The following DNAJC17 variants were observed in gnomAD, a reference collection of about 807,000 sequenced individuals.
DNAJC17 encodes dnaJ homolog subfamily C member 17.
Under a neutral mutation model 48.1 loss-of-function variants are expected in DNAJC17, and 35 were observed. The observed-to-expected ratio is 0.73, with a 90% CI of 0.56 to 0.96. The LOEUF is 0.96. Among genes scored for constraint, DNAJC17 ranks in the 50% least tolerant of loss-of-function variants. The pLI, the probability that DNAJC17 is intolerant of heterozygous loss-of-function variation, is 0.00. For synonymous variants in DNAJC17, 117 were observed against 142.7 expected (o/e 0.82, Z 1.28); for missense variants, 355 against 377.1 (o/e 0.94, Z 0.48).
At chr15:40,799,221 T>C (rs1223808988) in intron 1 of DNAJC17, among the ~76,000 whole-genome samples, 10 of 109,908 alleles carry the variant, frequency 9.1e-5, no homozygotes, top group Non-Finnish European at 1.7e-4. Context: ...CGAGACTCCA[T>C]CTCAAAAAAA....
At chr15:40,788,755 G>C (rs1198602267) in intron 1 of DNAJC17, among the ~76,000 whole-genome samples, 1 of 151,870 alleles carries the variant, frequency 6.6e-6, no homozygotes, top group African/African-American at 2.4e-5. Flanking sequence ...TGCACCTGTA[G>C]TCCCAGCTAC....
Position 40,778,881 on chromosome 15 carries a change from C to T in DNAJC17, c.295+342G>A, listed in dbSNP as rs1889402098. Among the ~76,000 whole-genome samples, 5 of 152,116 alleles carry T rather than the reference C, an allele frequency of 3.3e-5. No homozygotes were observed. The South Asian group carries it at 1.0e-3, about 31-fold the overall frequency. On this transcript the variant is annotated intron_variant, in intron 4 of 10. Transcript: ENST00000220496. ...CCCAGAGGGTGGGGGTTGCAGTGAG[C>T]CGAGATCATGCCACTGCGCTCCAGC...
In DNAJC17 at chr15:40,775,121, C is replaced by T; in HGVS notation, c.523-13G>A. On this transcript the variant is annotated splice_polypyrimidine_tract_variant and intron_variant, in intron 7 of 10. Coordinates refer to ENST00000220496, the MANE Select transcript of DNAJC17 (RefSeq NM_018163.3). Reference sequence around the variant, plus strand: ...ACTTCCATTTTAGCTGAAAAGAGAGCCTCATGAAACACTGATTCTTGGCTG... The same window carrying T: ...ACTTCCATTTTAGCTGAAAAGAGAGTCTCATGAAACACTGATTCTTGGCTG... The T allele has an allele frequency of 2.5e-6, 4 of 1,613,904 alleles. No homozygotes were observed. Among genetic ancestry groups the T allele is most frequent in the Non-Finnish European group, 3.4e-6 (4 of 1,179,868 alleles).
chr15:40,775,556 TA>T lies in DNAJC17; in HGVS notation c.518del (p.Leu173GlnfsTer3), dbSNP rs776652774. On this transcript the variant is annotated frameshift_variant, in exon 7 of 11. Transcript: ENST00000220496. LOFTEE classifies it high-confidence loss of function. ...ENTEGQGTPKLKLKWKCKKED... is the reference protein window; with the variant it reads ...ENTEGQGTPKXKLKWKCKKED... ...CACAGATCCTGCCCAGGCTCACCTT[TA>T]GTTTGGGGGTTCCTTGGCCTTCAGT... is the stretch of plus-strand genomic sequence containing the variant. The T allele has an allele frequency of 1.2e-6, 2 of 1,613,922 alleles. No individual in the cohort carries two copies. The highest frequency in any genetic ancestry group is 1.7e-6 in the Non-Finnish European group (2 of 1,180,020).
At chr15:40,782,636 C>G (rs1889534238) in intron 1 of DNAJC17, among the ~76,000 whole-genome samples, 1 of 151,980 alleles carries the variant, frequency 6.6e-6, no homozygotes, top group Admixed American at 6.6e-5. Context: ...AAGAGCTAAG[C>G]AGATTGGATT....
At chr15:40,784,447 T>C (rs1421450351) in intron 1 of DNAJC17, among the ~76,000 whole-genome samples, 4 of 152,214 alleles carry the variant, frequency 2.6e-5, no homozygotes, top group African/African-American at 7.2e-5. Flanking sequence ...TCCACTCATA[T>C]TGTCAAATAT....
intron 1 of DNAJC17, among the ~76,000 whole-genome samples, chr15:40,782,543 C>T (rs149654987): frequency 1.6e-4 from 24 of 152,256 alleles, no homozygotes; most frequent in African/African-American, 5.8e-4. Context: ...TACACAACCC[C>T]AGAATCCGTC....
intron 1 of DNAJC17, among the ~76,000 whole-genome samples, chr15:40,798,855 C>T (rs1420693120): frequency 6.6e-6 from 1 of 152,144 alleles, no homozygotes; most frequent in South Asian, 2.1e-4. Flanking sequence ...TTGCAAACAG[C>T]GTTAACTCAC....
chr15:40,785,640 G>A (rs201930599), intron 1 of DNAJC17, among the ~76,000 whole-genome samples: 1 of 152,204 alleles, frequency 6.6e-6, no homozygotes, highest in Non-Finnish European at 1.5e-5. Flanking sequence ...CCAGCAGGAT[G>A]CCAATTGGAC....
intron 10 of DNAJC17, among the ~76,000 whole-genome samples, chr15:40,768,401 A>G (rs1198797974): frequency 2.0e-5 from 3 of 150,928 alleles, no homozygotes; most frequent in Non-Finnish European, 4.4e-5. Context: ...TTTACCCTTC[A>G]CCCCTTTCCC....
chr15:40,791,313 G>A (rs1889795923), intron 1 of DNAJC17, among the ~76,000 whole-genome samples: 3 of 152,178 alleles, frequency 2.0e-5, no homozygotes, highest in South Asian at 4.1e-4. Flanking sequence ...GATCACCTGA[G>A]GTGAGAAGTT....
rs968568702 is a variant in DNAJC17, at chr15:40,769,578, C to G, written c.793-1516G>C. On this transcript the variant is annotated intron_variant, in intron 10 of 10. Transcript: ENST00000220496. This position sits in a 1 kb window ranked among gnomAD's most constrained non-coding sequence, Gnocchi z 4.2. ...ATTAACACACCCTCTGCCCCCCTTC[C>G]TGTTCCTGCTCGTGAGGGCCTGACA... Among the ~76,000 whole-genome samples, 1 of 152,252 alleles carries G rather than the reference C, an allele frequency of 6.6e-6. No homozygotes were observed. The highest frequency in any genetic ancestry group is 6.5e-5 in the Admixed American group (1 of 15,286).
chr15:40,795,264 AGGGAGGAAG>A (rs1889917119), intron 1 of DNAJC17, among the ~76,000 whole-genome samples: 2 of 131,184 alleles, frequency 1.5e-5, no homozygotes, highest in South Asian at 5.9e-4. Context: ...AAAGGAAGGA[AGGGAGGAAG>A]GGGAGGAAGG....
chr15:40,779,397 G>C, intron 3 of DNAJC17, 87 bp from the exon 4 acceptor site: 1 of 1,564,716 alleles, frequency 6.4e-7, no homozygotes, highest in Non-Finnish European at 8.8e-7. Context: ...TAGCCCACGA[G>C]CCATCAGAGT....
chr15:40,775,400 G>A, intron 7 of DNAJC17, 153 bp downstream of exon 7: 2 of 898,234 alleles, frequency 2.2e-6, no homozygotes, highest in South Asian at 1.5e-5. Flanking sequence ...CTGATCTCCG[G>A]GCGGCTGGAG....
At chr15:40,804,078 C>G (rs1466361521) in intron 1 of DNAJC17, among the ~76,000 whole-genome samples, 1 of 152,020 alleles carries the variant, frequency 6.6e-6, no homozygotes, top group Non-Finnish European at 1.5e-5. Context: ...GTGATCCTCC[C>G]ACCTCAGCCT....
chr15:40,780,524 A>T (rs1043338638), intron 1 of DNAJC17: 21 of 366,056 alleles, frequency 5.7e-5, no homozygotes, highest in South Asian at 2.4e-4. Context: ...CATTTAAAAG[A>T]TTATGATTGG....
chr15:40,804,749 C>T (rs530288330), intron 1 of DNAJC17, among the ~76,000 whole-genome samples: 1 of 152,230 alleles, frequency 6.6e-6, no homozygotes, highest in South Asian at 2.1e-4. Context: ...CGCCTGTAAT[C>T]CCAGCACTTT....
rs1435768839 is a variant in DNAJC17 at position 40,779,968 on chromosome 15, G to C, written c.108C>G (p.Leu36=). The stretch of plus-strand genomic sequence containing the variant: ...CTGGATTTTTGTCTGGGTGGCAGGA[G>C]AGGGCCTTCTGCCTATACGCCTTCT... ...EVKKAYRQKA[L]SCHPDKNPDN... The change falls in exon 2 of 11, where the codon CTC becomes CTG. Residue 36 remains leucine (L), a synonymous_variant. Coordinates refer to ENST00000220496, the MANE Select transcript of DNAJC17 (RefSeq NM_018163.3). 2 of 1,614,184 alleles carry C rather than the reference G, an allele frequency of 1.2e-6. No homozygotes were observed. Among genetic ancestry groups the C allele is most frequent in the Admixed American group, 1.7e-5 (1 of 60,018 alleles).
Sources: gnomAD v4.1 joint callset for allele counts (sites outside exome capture counted in the v4.1 genomes callset) on GRCh38, gnomAD v4.1.1 for gene constraint, Gnocchi (gnomAD v3.1) non-coding constraint, MANE v1.5 for transcripts, NCBI Gene and HGNC (gene_info 2026-07-23, HGNC 2026-07-21) for gene names.